CYSTM1: variants seen among roughly 807,000 people sequenced by gnomAD.
The protein encoded by CYSTM1 is cysteine-rich transmembrane module-containing protein 1.
CYSTM1 carries 4 observed loss-of-function variants against 13.1 expected under a neutral mutation model. The observed-to-expected ratio is 0.31, with a 90% CI of 0.15 to 0.70. The LOEUF (loss-of-function observed/expected upper bound fraction) is 0.70, where lower values mean the gene tolerates loss of function less well. Ranked by LOEUF, CYSTM1 falls within the 30% of genes least tolerant of loss-of-function variation. The pLI is 0.72. For missense variants in CYSTM1, 96 were observed against 121.6 expected (o/e 0.79, Z 0.99); for synonymous variants, 36 against 42.7 (o/e 0.84, Z 0.62).
intron 2 of CYSTM1, among the ~76,000 whole-genome samples, chr5:140,196,187 C>G (rs1764155295): frequency 6.6e-6 from 1 of 152,098 alleles, no homozygotes; most frequent in African/African-American, 2.4e-5. Flanking sequence ...ATGACTTGCC[C>G]AAGGTCACCT....
At chr5:140,195,510 C>T (rs985789286) in intron 2 of CYSTM1, among the ~76,000 whole-genome samples, 6 of 144,924 alleles carry the variant, frequency 4.1e-5, no homozygotes, top group African/African-American at 1.0e-4. Context: ...GGCGCGATCT[C>T]GGCTCACTGC....
chr5:140,233,844 A>C (rs1374728118), intron 2 of CYSTM1, among the ~76,000 whole-genome samples: 2 of 151,950 alleles, frequency 1.3e-5, no homozygotes, highest in African/African-American at 2.4e-5. Context: ...GACTTTTGAG[A>C]GTTGTTATAT....
At chr5:140,185,878 G>A (rs1351205863) in intron 1 of CYSTM1, among the ~76,000 whole-genome samples, 1 of 152,122 alleles carries the variant, frequency 6.6e-6, no homozygotes, top group African/African-American at 2.4e-5. Flanking sequence ...CACAAGTATG[G>A]TATGACTCTT....
intron 2 of CYSTM1, among the ~76,000 whole-genome samples, chr5:140,195,681 T>G (rs1764147100): frequency 6.6e-6 from 1 of 150,734 alleles, no homozygotes; most frequent in Non-Finnish European, 1.5e-5. Flanking sequence ...TCCGCCCCCC[T>G]TGGCCTTCCA....
intron 2 of CYSTM1, among the ~76,000 whole-genome samples, chr5:140,199,906 C>T (rs554776214): frequency 1.1e-4 from 16 of 152,258 alleles, no homozygotes; most frequent in South Asian, 4.1e-4. Context: ...TGTTTTTGGA[C>T]GCATAAATGT....
intron 2 of CYSTM1, chr5:140,203,063 C>G (rs998788284): frequency 2.0e-5 from 3 of 152,150 alleles, no homozygotes; most frequent in Non-Finnish European, 4.4e-5. Context: ...TCTGCATGGT[C>G]TCTCAGTGCT....
chr5:140,188,711 G>C (rs886279795), intron 1 of CYSTM1, among the ~76,000 whole-genome samples: 1 of 150,682 alleles, frequency 6.6e-6, no homozygotes, highest in African/African-American at 2.4e-5. Flanking sequence ...CCCGGAAGGC[G>C]GAGCTTGCAG....
chr5:140,196,994 T>C (rs1764166686), intron 2 of CYSTM1, among the ~76,000 whole-genome samples: 3 of 152,340 alleles, frequency 2.0e-5, no homozygotes, highest in African/African-American at 7.2e-5. Flanking sequence ...TGTACTTTGC[T>C]GTACGTTTTA....
intron 2 of CYSTM1, chr5:140,202,787 A>G (rs1160020159): frequency 6.6e-6 from 1 of 152,246 alleles, no homozygotes; most frequent in Non-Finnish European, 1.5e-5. Flanking sequence ...GGGAGGGGTC[A>G]GGAGGCACCT....
At chr5:140,195,813 G>A (rs1198433316) in intron 2 of CYSTM1, among the ~76,000 whole-genome samples, 5 of 151,180 alleles carry the variant, frequency 3.3e-5, no homozygotes, top group African/African-American at 1.2e-4. Context: ...GGGAGGCCAA[G>A]GCGGGCAGAT....
intron 2 of CYSTM1, among the ~76,000 whole-genome samples, chr5:140,233,873 C>T (rs1485650293): frequency 1.3e-5 from 2 of 152,202 alleles, no homozygotes; most frequent in Non-Finnish European, 2.9e-5. Context: ...TACAAGTCCT[C>T]TGTTGGCTGT....
At chr5:140,241,183 A>G (rs944906275) in intron 2 of CYSTM1, among the ~76,000 whole-genome samples, 4 of 152,234 alleles carry the variant, frequency 2.6e-5, no homozygotes, top group African/African-American at 9.6e-5. Flanking sequence ...ACTGGAGGAA[A>G]AAGGTGGAGC....
Position 140,230,516 on chromosome 5 carries a change from T to C in CYSTM1, c.188-12789T>C, listed in dbSNP as rs1764607773. 1.3e-5 allele frequency among the ~76,000 whole-genome samples: 2 copies of C among 152,114 alleles called. No individual in the cohort carries two copies. Among genetic ancestry groups the C allele is most frequent in the Admixed American group, 6.5e-5 (1 of 15,280 alleles). Reference sequence around the variant, plus strand: ...GAAAGTCCTGGGGCATGTACAATAATCTCTTCATGCTACCTCTTGGATCCC... The same window carrying C: ...GAAAGTCCTGGGGCATGTACAATAACCTCTTCATGCTACCTCTTGGATCCC... On this transcript the variant is annotated intron_variant, in intron 2 of 2. Transcript: ENST00000261811. This position sits in a 1 kb window ranked among gnomAD's most constrained non-coding sequence, Gnocchi z 4.1.
intron 1 of CYSTM1, among the ~76,000 whole-genome samples, chr5:140,181,337 C>G (rs1294842532): frequency 1.3e-5 from 2 of 152,192 alleles, no homozygotes; most frequent in East Asian, 3.9e-4. Context: ...AACAGCCTTT[C>G]CTCCCCAACA....
chr5:140,204,741 C>G lies in CYSTM1; in HGVS notation c.187+10089C>G, dbSNP rs547301431. On this transcript the variant is annotated intron_variant, in intron 2 of 2. Coordinates refer to ENST00000261811, the MANE Select transcript of CYSTM1 (RefSeq NM_032412.4). ...AAGACGTTTTTTTCTTCTTTCACCTCTGCTTCCACTGCATCTTCAACAGTG... is the reference window on the plus strand; with the variant it reads ...AAGACGTTTTTTTCTTCTTTCACCTGTGCTTCCACTGCATCTTCAACAGTG... Among the ~76,000 whole-genome samples, 49 of 152,118 alleles carry G rather than the reference C, an allele frequency of 3.2e-4. 2 individuals are homozygous for G. The South Asian group carries it at 9.5e-3, about 30-fold the overall frequency.
At chr5:140,180,928 C>T (rs2036849581) in intron 1 of CYSTM1, among the ~76,000 whole-genome samples, 1 of 152,144 alleles carries the variant, frequency 6.6e-6, no homozygotes, top group South Asian at 2.1e-4. Context: ...TCACTAGTTT[C>T]CTGATTATTT....
In CYSTM1 at chr5:140,212,982, A is replaced by AGT. The variant is rs1346025489; in HGVS notation, c.187+18331_187+18332dup. Reference sequence around the variant, plus strand: ...GACTCTGTCTCAAAAACAAAACAAAAGTATATATATATATATATATATATA... The same window carrying AGT: ...GACTCTGTCTCAAAAACAAAACAAAAGTGTATATATATATATATATATATATA... On this transcript the variant is annotated intron_variant, in intron 2 of 2. Transcript: ENST00000261811. Among the ~76,000 whole-genome samples, 76 of 58,104 alleles carry AGT rather than the reference A, an allele frequency of 1.3e-3. 5 individuals carry two copies. Among genetic ancestry groups the AGT allele is most frequent in the South Asian group, 2.2e-3 (2 of 914 alleles). The allele number at this position is 58,104 out of a possible 152,430, so 38.1% of individuals were successfully genotyped here. A position where few individuals can be genotyped will look rare whatever the true frequency, so the allele number is the denominator to read the frequency against.
chr5:140,184,127 AGT>A (rs1430744827), intron 1 of CYSTM1, among the ~76,000 whole-genome samples: 1 of 152,226 alleles, frequency 6.6e-6, no homozygotes, highest in Non-Finnish European at 1.5e-5. Flanking sequence ...TGTATTCATT[AGT>A]GTAACTGTGT....
chr5:140,237,944 C>T (rs907205511), intron 2 of CYSTM1, among the ~76,000 whole-genome samples: 1 of 152,200 alleles, frequency 6.6e-6, no homozygotes, highest in African/African-American at 2.4e-5. Flanking sequence ...GACCCATCCA[C>T]AGCTCGGCAA....
Sources: allele counts gnomAD v4.1 joint callset (sites outside exome capture counted in the v4.1 genomes callset), GRCh38; gene constraint gnomAD v4.1.1; non-coding constraint Gnocchi (gnomAD v3.1); transcripts MANE v1.5; gene names NCBI Gene and HGNC (gene_info 2026-07-23, HGNC 2026-07-21).